Variants in DCHS2 observed in about 807,000 individuals in gnomAD.
DCHS2 encodes the protein dachsous cadherin-related 2.
A neutral mutation model predicts 182.4 loss-of-function variants in DCHS2; 142 were observed. That is an observed-to-expected ratio of 0.78 (90% CI 0.68 to 0.89). The LOEUF is 0.89. Among genes scored for constraint, DCHS2 ranks in the 40% least tolerant of loss-of-function variants. DCHS2 has a pLI of 0.00. For missense variants in DCHS2, 4,319 were observed against 4,198.6 expected, an observed-to-expected ratio of 1.03 and a Z score of -0.79; for synonymous variants, 1,740 against 1,663.3, an observed-to-expected ratio of 1.05 and a Z score of -1.12.
intron 1 of DCHS2, among the ~76,000 whole-genome samples, chr4:154,437,872 T>G (rs1028983693): frequency 6.6e-6 from 1 of 152,150 alleles, no homozygotes; most frequent in Admixed American, 6.5e-5. Flanking sequence ...TTGAGTATTA[T>G]TTCTAAAATT....
At chr4:154,346,149 T>C (rs1480861869) in intron 3 of DCHS2, among the ~76,000 whole-genome samples, 1 of 152,190 alleles carries the variant, frequency 6.6e-6, no homozygotes, top group Non-Finnish European at 1.5e-5. Context: ...TTTCTCCTAA[T>C]TCCATCCCAT....
chr4:154,472,607 ACCAAAACGTC>A, intron 1 of DCHS2, among the ~76,000 whole-genome samples: 1 of 152,242 alleles, frequency 6.6e-6, no homozygotes, highest in Non-Finnish European at 1.5e-5. Flanking sequence ...TCATTCTCTC[ACCAAAACGTC>A]TACAATTAAG....
chr4:154,265,983 C>T (rs1019672118), intron 14 of DCHS2, among the ~76,000 whole-genome samples: 1 of 152,096 alleles, frequency 6.6e-6, no homozygotes, highest in African/African-American at 2.4e-5. Context: ...AAATTAGGCA[C>T]AGTAAGAAAT....
chr4:154,335,619 T>A (rs1728762668), intron 3 of DCHS2, among the ~76,000 whole-genome samples: 1 of 152,190 alleles, frequency 6.6e-6, no homozygotes, highest in Non-Finnish European at 1.5e-5. Context: ...ATCTTGGGAC[T>A]TGCCAGCCTT....
intron 10 of DCHS2, among the ~76,000 whole-genome samples, chr4:154,311,148 A>C (rs190846168): frequency 3.3e-5 from 5 of 152,240 alleles, no homozygotes; most frequent in Admixed American, 2.0e-4. Context: ...AAAGGGATAA[A>C]ATTTTATCCT....
intron 2 of DCHS2, chr4:154,374,136 C>T (rs1730780970): frequency 1.7e-6 from 1 of 573,140 alleles, no homozygotes; most frequent in Admixed American, 3.3e-5. Context: ...TGTGGTGGTG[C>T]ATTGATATGA....
rs138267434 is a variant in DCHS2 at position 154,373,936 on chromosome 4, T to C, written c.2244+3317A>G. The C allele has an allele frequency of 7.6e-5, 121 of 1,602,600 alleles. No homozygotes were observed. In the Middle Eastern group the frequency reaches 2.5e-3, roughly 33 times the overall value. On this transcript the variant is annotated intron_variant, in intron 2 of 19. Transcript: ENST00000357232. ...GTTCCTTACCTTCACCAGGGCTAAA[T>C]GTGTCATTCTCTGCTCATCCTGAAA...
intron 1 of DCHS2, among the ~76,000 whole-genome samples, chr4:154,422,063 T>C (rs544546380): frequency 7.0e-4 from 107 of 152,346 alleles, no homozygotes; most frequent in South Asian, 2.5e-3. Context: ...AATAATACTC[T>C]TGATTTTCTT....
In DCHS2 at chr4:154,241,848, G is replaced by T. The variant is rs181377158; in HGVS notation, c.7072+794C>A. ...TTATTTGTAGGTTGTAATATTTGTA[G>T]ATATCTCTATGCATAGACATGTCTG... On this transcript the variant is annotated intron_variant, in intron 17 of 19. Transcript: ENST00000357232. 1.6e-4 allele frequency among the ~76,000 whole-genome samples: 24 copies of T among 152,264 alleles called. No homozygotes were observed. In the East Asian group the frequency reaches 2.5e-3, roughly 16 times the overall value.
chr4:154,375,454 A>G (rs1265960402), intron 2 of DCHS2, among the ~76,000 whole-genome samples: 2 of 152,150 alleles, frequency 1.3e-5, no homozygotes, highest in South Asian at 2.1e-4. Flanking sequence ...GGCCAAAAAT[A>G]TAAAGAACTC....
intron 1 of DCHS2, among the ~76,000 whole-genome samples, chr4:154,436,792 T>C (rs1299287718): frequency 6.6e-6 from 1 of 152,194 alleles, no homozygotes; most frequent in Admixed American, 6.5e-5. Context: ...AATGTGGCTG[T>C]ATTACAATGC....
At chr4:154,436,043 T>C (rs1733765126) in intron 1 of DCHS2, among the ~76,000 whole-genome samples, 1 of 152,202 alleles carries the variant, frequency 6.6e-6, no homozygotes, top group South Asian at 2.1e-4. Context: ...TTCCCCAAAG[T>C]AGAAACAATG....
intron 13 of DCHS2, among the ~76,000 whole-genome samples, chr4:154,293,110 G>A (rs147099500): frequency 6.6e-6 from 1 of 152,084 alleles, no homozygotes; most frequent in Non-Finnish European, 1.5e-5. Flanking sequence ...CATTGGAATC[G>A]CATGGGAGCT....
chr4:154,361,026 T>C (rs1410347938), intron 3 of DCHS2, among the ~76,000 whole-genome samples: 1 of 152,156 alleles, frequency 6.6e-6, no homozygotes, highest in Non-Finnish European at 1.5e-5. Context: ...TAAATATGTA[T>C]TGAACAGATG....
In DCHS2 at chr4:154,240,633, T is replaced by G; in HGVS notation, c.7263A>C (p.Gln2421His). ...CTGTGTAGTGCACTGAATCAGAAAT[T>G]TGGATGAGCAGCTCATATTCAGTCA... The part of the protein sequence containing the change: ...EEMTEYELLI[Q>H]ISDSVHYTEG... The change falls in exon 18 of 20, where the codon CAA becomes CAC. Residue 2421 changes from glutamine to histidine, a missense_variant. Gln to His is a conservative substitution (Grantham distance 24). Transcript: ENST00000357232. 1.2e-6 allele frequency: 2 copies of G among 1,613,926 alleles called. No individual in the cohort carries two copies. The highest frequency in any genetic ancestry group is 1.7e-6 in the Non-Finnish European group (2 of 1,179,918).
chr4:154,473,629 C>T (rs1188049658), intron 1 of DCHS2, among the ~76,000 whole-genome samples: 1 of 152,124 alleles, frequency 6.6e-6, no homozygotes, highest in Non-Finnish European at 1.5e-5. Flanking sequence ...CTGAGTCACA[C>T]CACCTTGACA....
At chr4:154,260,148 C>T (rs142688528) in intron 14 of DCHS2, among the ~76,000 whole-genome samples, 43 of 152,306 alleles carry the variant, frequency 2.8e-4, no homozygotes, top group South Asian at 1.0e-3. Context: ...TGACTCAAAG[C>T]ATCTTTGCCT....
chr4:154,261,453 G>T (rs1454636456), intron 14 of DCHS2, among the ~76,000 whole-genome samples: 1 of 152,118 alleles, frequency 6.6e-6, no homozygotes, highest in African/African-American at 2.4e-5. Context: ...ACTACTAGAA[G>T]TTCGATCCTC....
intron 19 of DCHS2, 37 bp downstream of exon 19, chr4:154,239,133 A>G (rs753855579): frequency 1.3e-6 from 2 of 1,586,444 alleles, no homozygotes; most frequent in East Asian, 2.3e-5. Flanking sequence ...TTTGAAACCC[A>G]AACCTATGAG....
Sources: gnomAD v4.1 joint callset for allele counts (sites outside exome capture counted in the v4.1 genomes callset) on GRCh38, gnomAD v4.1.1 for gene constraint, MANE v1.5 for transcripts, NCBI Gene and HGNC (gene_info 2026-07-23, HGNC 2026-07-21) for gene names.